Variants in FHOD3 observed in about 807,000 individuals in gnomAD.
The protein encoded by FHOD3 is FH1/FH2 domain-containing protein 3.
In FHOD3, 90 loss-of-function variants were observed where a neutral mutation model predicts 173.0. That is an observed-to-expected ratio of 0.52 (90% CI 0.44 to 0.62). The LOEUF (loss-of-function observed/expected upper bound fraction) is 0.62. Among genes scored for constraint, FHOD3 ranks in the 20% least tolerant of loss-of-function variants. The pLI, the probability that FHOD3 is intolerant of heterozygous loss-of-function variation, is 0.00. For synonymous variants in FHOD3, 828 were observed against 823.0 expected (o/e 1.01, Z -0.10); for missense variants, 1,945 against 2,034.7 (o/e 0.96, Z 0.85).
At chr18:36,408,086 C>T (rs1225451400) in intron 3 of FHOD3, among the ~76,000 whole-genome samples, 2 of 152,188 alleles carry the variant, frequency 1.3e-5, no homozygotes, top group African/African-American at 4.8e-5. Flanking sequence ...CCTTCCAGAG[C>T]CCTTGGGGCT....
At chr18:36,644,323 G>C (rs2149020701) in intron 10 of FHOD3, among the ~76,000 whole-genome samples, 1 of 152,302 alleles carries the variant, frequency 6.6e-6, no homozygotes, top group East Asian at 1.9e-4. Flanking sequence ...AAAGTTGTCA[G>C]AATTAATTAT....
At chr18:36,563,936 C>T (rs542521567) in intron 5 of FHOD3, among the ~76,000 whole-genome samples, 1 of 152,218 alleles carries the variant, frequency 6.6e-6, no homozygotes, top group East Asian at 1.9e-4. Flanking sequence ...GTCTCTACAC[C>T]TTGTGTTCAT....
intron 5 of FHOD3, among the ~76,000 whole-genome samples, chr18:36,559,868 G>A (rs1338712558): frequency 1.3e-5 from 2 of 152,010 alleles, no homozygotes; most frequent in Non-Finnish European, 2.9e-5. Context: ...AGCTTTGTTA[G>A]CCCCCCGGTC....
intron 27 of FHOD3, 142 bp from the exon 28 acceptor site, chr18:36,769,123 A>G (rs1228658486): frequency 2.8e-5 from 26 of 931,248 alleles, no homozygotes; most frequent in Non-Finnish European, 3.7e-5. Context: ...CTCTGGATCT[A>G]TCACTAGCTC....
chr18:36,377,930 G>A (rs2047529894), intron 3 of FHOD3, among the ~76,000 whole-genome samples: 1 of 152,204 alleles, frequency 6.6e-6, no homozygotes, highest in Admixed American at 6.5e-5. Flanking sequence ...CTCCTGTCCT[G>A]CCTCTACCAT....
At chr18:36,583,262 C>G (rs1024463672) in intron 6 of FHOD3, among the ~76,000 whole-genome samples, 1 of 152,166 alleles carries the variant, frequency 6.6e-6, no homozygotes, top group African/African-American at 2.4e-5. Flanking sequence ...TCACGATATG[C>G]TGCATCTGAC....
intron 18 of FHOD3, among the ~76,000 whole-genome samples, chr18:36,716,095 C>T (rs116931090): frequency 1.3e-4 from 20 of 152,286 alleles, no homozygotes; most frequent in East Asian, 3.9e-4. Context: ...TCACAGTGAA[C>T]GTTGGTGCTG....
At chr18:36,299,509 T>C (rs2091900401) in intron 1 of FHOD3, among the ~76,000 whole-genome samples, 2 of 152,232 alleles carry the variant, frequency 1.3e-5, no homozygotes, top group South Asian at 4.1e-4. Context: ...AGGCTCATAA[T>C]TGTGGCCCTG....
chr18:36,714,901 T>C (rs763546903), intron 18 of FHOD3, among the ~76,000 whole-genome samples: 4 of 152,210 alleles, frequency 2.6e-5, no homozygotes, highest in Non-Finnish European at 5.9e-5. Context: ...AGAACAAAGA[T>C]ACACTGGAAA....
chr18:36,709,536 G>A (rs1264445806), intron 18 of FHOD3, 145 bp downstream of exon 18: 11 of 908,916 alleles, frequency 1.2e-5, no homozygotes, highest in Non-Finnish European at 1.8e-5. Context: ...AGTGTCTGGG[G>A]ACAAGGAGTG....
At chr18:36,470,344 C>T (rs934483672) in intron 3 of FHOD3, among the ~76,000 whole-genome samples, 4 of 152,142 alleles carry the variant, frequency 2.6e-5, no homozygotes, top group African/African-American at 9.7e-5. Context: ...CTCAGTTTCC[C>T]CAGATGTAAT....
At chr18:36,344,907 C>T (rs1445674352) in intron 1 of FHOD3, among the ~76,000 whole-genome samples, 1 of 152,186 alleles carries the variant, frequency 6.6e-6, no homozygotes, top group African/African-American at 2.4e-5. Context: ...ACGTACTCTT[C>T]AGGCAGGAAA....
intron 1 of FHOD3, among the ~76,000 whole-genome samples, chr18:36,325,856 A>G (rs144624116): frequency 6.6e-6 from 1 of 152,366 alleles, no homozygotes; most frequent in Admixed American, 6.5e-5. Flanking sequence ...AGAATGTTGT[A>G]GAACCTAGAC....
intron 24 of FHOD3, 79 bp downstream of exon 24, chr18:36,747,214 G>A: frequency 8.4e-7 from 1 of 1,187,488 alleles, no homozygotes; most frequent in Non-Finnish European, 1.2e-6. Context: ...AAGAGCCGAT[G>A]GTTAAATTTA....
chr18:36,612,964 C>A (rs887310168), intron 9 of FHOD3, among the ~76,000 whole-genome samples: 3 of 152,182 alleles, frequency 2.0e-5, no homozygotes, highest in African/African-American at 7.2e-5. Flanking sequence ...GCTGCCCTAT[C>A]TTTTCCTTTC....
intron 5 of FHOD3, among the ~76,000 whole-genome samples, chr18:36,571,117 A>C (rs530353616): frequency 6.1e-4 from 93 of 152,300 alleles, no homozygotes; most frequent in African/African-American, 2.1e-3. Flanking sequence ...AATTCCAGGA[A>C]ATCTACAAAA....
intron 3 of FHOD3, among the ~76,000 whole-genome samples, chr18:36,451,835 A>G (rs2051865713): frequency 6.6e-6 from 1 of 152,202 alleles, no homozygotes; most frequent in Non-Finnish European, 1.5e-5. Flanking sequence ...TCATGGATAC[A>G]GAATGAATTT....
At chr18:36,641,159 C>T (rs1047472090) in intron 10 of FHOD3, among the ~76,000 whole-genome samples, 1 of 151,870 alleles carries the variant, frequency 6.6e-6, no homozygotes. Context: ...TTGGATGTCC[C>T]TTGGAGCCAG....
chr18:36,363,367 A>G (rs879542916), intron 2 of FHOD3, among the ~76,000 whole-genome samples: 3 of 152,248 alleles, frequency 2.0e-5, no homozygotes, highest in African/African-American at 2.4e-5. Context: ...AGCTTTTTTC[A>G]TAATTGCCAA....
Sources: allele counts gnomAD v4.1 joint callset (sites outside exome capture counted in the v4.1 genomes callset), GRCh38; gene constraint gnomAD v4.1.1; transcripts MANE v1.5; gene names NCBI Gene and HGNC (gene_info 2026-07-23, HGNC 2026-07-21).